GREM2: variants seen among roughly 807,000 people sequenced by gnomAD.
The protein encoded by GREM2 is gremlin-2.
Under a neutral mutation model 14.2 loss-of-function variants are expected in GREM2, and 11 were observed. The observed-to-expected ratio is 0.78, with a 90% CI of 0.49 to 1.28. GREM2 has a LOEUF of 1.28. GREM2 is among the 50% of genes most tolerant of loss of function. The probability of loss-of-function intolerance (pLI) is 0.00; values close to 1 mark genes in which losing one functional copy is unlikely to be tolerated. For synonymous variants in GREM2, 98 were observed against 97.6 expected, an observed-to-expected ratio of 1.00 and a Z score of -0.02; for missense variants, 210 against 218.5, an observed-to-expected ratio of 0.96 and a Z score of 0.24.
intron 1 of GREM2, among the ~76,000 whole-genome samples, chr1:240,552,084 G>T (rs911103391): frequency 2.6e-5 from 4 of 152,122 alleles, no homozygotes; most frequent in African/African-American, 7.2e-5. Flanking sequence ...CTTCCATAGA[G>T]AACACAGATT....
chr1:240,507,190 G>A (rs1336152), intron 1 of GREM2, among the ~76,000 whole-genome samples: 5,536 of 152,216 alleles, frequency 0.036, 359 homozygotes, highest in African/African-American at 0.13. Flanking sequence ...ATTACTGAGC[G>A]GTAGAGTAAG....
At chr1:240,507,318 TC>T (rs1338763246) in intron 1 of GREM2, among the ~76,000 whole-genome samples, 1 of 143,002 alleles carries the variant, frequency 7.0e-6, no homozygotes, top group Admixed American at 7.0e-5. Context: ...CCTTCCTCCT[TC>T]CCTCCCTCCC....
intron 1 of GREM2, among the ~76,000 whole-genome samples, chr1:240,538,429 C>T (rs114615523): frequency 0.018 from 2,707 of 152,086 alleles, 62 homozygotes; most frequent in African/African-American, 0.062. Context: ...AGGCCAGGTG[C>T]GATGGCTCAC....
At chr1:240,536,959 T>C (rs1183108514) in intron 1 of GREM2, among the ~76,000 whole-genome samples, 1 of 152,208 alleles carries the variant, frequency 6.6e-6, no homozygotes, top group African/African-American at 2.4e-5. Flanking sequence ...AACTAAATTC[T>C]GACCAAAGTG....
chr1:240,507,374 G>A (rs965087846), intron 1 of GREM2, among the ~76,000 whole-genome samples: 8 of 138,802 alleles, frequency 5.8e-5, no homozygotes, highest in South Asian at 4.9e-4. Flanking sequence ...CTTTTTACCC[G>A]GGCTGGAGTG....
Position 240,517,262 on chromosome 1 carries a change from T to G in GREM2, c.-1-23786A>C, listed in dbSNP as rs190999770. On this transcript the variant is annotated intron_variant, in intron 1 of 1. Transcript: ENST00000318160. ...ACAATTACCTCCCTTTACCTATCGATAGTTTAACAGTGTTCCTTTCCAACT... is the reference window on the plus strand; with the variant it reads ...ACAATTACCTCCCTTTACCTATCGAGAGTTTAACAGTGTTCCTTTCCAACT... 1.8e-4 allele frequency among the ~76,000 whole-genome samples: 27 copies of G among 152,344 alleles called. No individual in the cohort carries two copies. In the East Asian group the frequency reaches 4.1e-3, roughly 23 times the overall value.
At chr1:240,536,022 G>A (rs938383125) in intron 1 of GREM2, among the ~76,000 whole-genome samples, 1 of 152,018 alleles carries the variant, frequency 6.6e-6, no homozygotes, top group South Asian at 2.1e-4. Flanking sequence ...CTGCAAGCAG[G>A]TTTCACTGGA....
chr1:240,547,294 AT>A (rs1330024006), intron 1 of GREM2, among the ~76,000 whole-genome samples: 7 of 151,868 alleles, frequency 4.6e-5, no homozygotes, highest in Admixed American at 3.9e-4. Flanking sequence ...AGGGCAGGAG[AT>A]CAAGACCATC....
intron 1 of GREM2, among the ~76,000 whole-genome samples, chr1:240,606,573 A>G (rs961101902): frequency 6.6e-6 from 1 of 152,126 alleles, no homozygotes; most frequent in African/African-American, 2.4e-5. Context: ...ATGCCCTATA[A>G]TCTTGAACAC....
At chr1:240,522,326 A>G (rs952075389) in intron 1 of GREM2, among the ~76,000 whole-genome samples, 2 of 152,102 alleles carry the variant, frequency 1.3e-5, no homozygotes, top group Non-Finnish European at 2.9e-5. Context: ...CCTGACAACA[A>G]TGTATCTGGC....
chr1:240,564,892 G>A (rs1309648780), intron 1 of GREM2, among the ~76,000 whole-genome samples: 3 of 152,210 alleles, frequency 2.0e-5, no homozygotes, highest in African/African-American at 4.8e-5. Flanking sequence ...TTTGGGTTGA[G>A]TATGATGTAT....
At chr1:240,495,343 T>C (rs987890806) in intron 1 of GREM2, among the ~76,000 whole-genome samples, 1 of 152,210 alleles carries the variant, frequency 6.6e-6, no homozygotes, top group African/African-American at 2.4e-5. Flanking sequence ...GTAACAATTA[T>C]ATATACATCA....
chr1:240,547,481 C>A lies in GREM2; in HGVS notation c.-1-54005G>T, dbSNP rs182570228. ...CACCGCTGCACTCCAGCCTGGGCGA[C>A]AGAGTGAGACTCCATCTCAAAAAAA... On this transcript the variant is annotated intron_variant, in intron 1 of 1. Transcript: ENST00000318160. Among the ~76,000 whole-genome samples, 359 of 125,898 alleles carry A rather than the reference C, an allele frequency of 2.9e-3. 2 individuals are homozygous for A. The highest frequency in any genetic ancestry group is 0.01 in the African/African-American group (321 of 31,266). The allele number at this position is 125,898 out of a possible 152,430, so 82.6% of individuals were successfully genotyped here. A position where few individuals can be genotyped will look rare whatever the true frequency, so the allele number is the denominator to read the frequency against.
rs74889409 is a variant in GREM2 at position 240,514,704 on chromosome 1, G to A, written c.-1-21228C>T. 4.7e-3 allele frequency among the ~76,000 whole-genome samples: 709 copies of A among 152,290 alleles called. 4 individuals carry two copies. Among genetic ancestry groups the A allele is most frequent in the African/African-American group, 0.016 (674 of 41,564 alleles). ...GCATGAGGCCAGCAGCCCGAGACCAGCTTGGGCAACATGGTGAAACACCAT... is the reference window on the plus strand; with the variant it reads ...GCATGAGGCCAGCAGCCCGAGACCAACTTGGGCAACATGGTGAAACACCAT... On this transcript the variant is annotated intron_variant, in intron 1 of 1. Transcript: ENST00000318160.
chr1:240,588,136 A>G (rs1239089213), intron 1 of GREM2, among the ~76,000 whole-genome samples: 1 of 152,180 alleles, frequency 6.6e-6, no homozygotes, highest in Non-Finnish European at 1.5e-5. Context: ...ACCTCCCAGA[A>G]GGGACGATTC....
intron 1 of GREM2, among the ~76,000 whole-genome samples, chr1:240,586,809 T>C (rs1028956029): frequency 2.0e-5 from 3 of 152,318 alleles, no homozygotes; most frequent in African/African-American, 7.2e-5. Context: ...AACCTCTACT[T>C]AAGGTGACTT....
intron 1 of GREM2, among the ~76,000 whole-genome samples, chr1:240,585,669 T>G (rs79869388): frequency 7.6e-5 from 11 of 144,812 alleles, no homozygotes; most frequent in Admixed American, 5.2e-4. Context: ...GGCGGAGGTT[T>G]CAGTGAGCCG....
intron 1 of GREM2, among the ~76,000 whole-genome samples, chr1:240,535,335 G>A (rs1402449504): frequency 1.3e-5 from 2 of 152,122 alleles, no homozygotes; most frequent in Non-Finnish European, 2.9e-5. Flanking sequence ...GGAGAGCTGA[G>A]CTTTGTTCAG....
intron 1 of GREM2, among the ~76,000 whole-genome samples, chr1:240,572,284 T>C (rs773055176): frequency 2.6e-5 from 4 of 152,226 alleles, no homozygotes; most frequent in Non-Finnish European, 4.4e-5. Flanking sequence ...TAGCTAATCA[T>C]GGAATCAAAT....
Sources: allele counts gnomAD v4.1 joint callset (sites outside exome capture counted in the v4.1 genomes callset), GRCh38; gene constraint gnomAD v4.1.1; transcripts MANE v1.5; gene names NCBI Gene and HGNC (gene_info 2026-07-23, HGNC 2026-07-21).